The following DHODH variants were observed in gnomAD, a reference collection of about 807,000 sequenced individuals.
The protein encoded by DHODH is dihydroorotate dehydrogenase (quinone).
A neutral mutation model predicts 39.7 loss-of-function variants in DHODH; 30 were observed. The observed-to-expected ratio is 0.76, with a 90% confidence interval of 0.57 to 1.02. The LOEUF (loss-of-function observed/expected upper bound fraction) is 1.02, where lower values mean the gene tolerates loss of function less well. DHODH is among the 50% of genes least tolerant of loss of function. The probability of loss-of-function intolerance (pLI) is 0.00; values close to 1 mark genes in which losing one functional copy is unlikely to be tolerated. For synonymous variants in DHODH, 222 were observed against 213.8 expected (o/e 1.04, Z -0.34); for missense variants, 531 against 520.8 (o/e 1.02, Z -0.19).
chr16:72,022,482 G>A lies in DHODH; in HGVS notation c.819+7G>A, dbSNP rs1458974054. The A allele has an allele frequency of 6.5e-7, 1 of 1,548,786 alleles. No homozygotes were observed. Among genetic ancestry groups the A allele is most frequent in the Admixed American group, 2.0e-5 (1 of 51,080 alleles). Reference sequence around the variant, plus strand: ...TGCCAGTGTGGTCAAAGAGGTTTGAGTCGGGGCCTGGGCCCAGGGTGTGCC... The same window carrying A: ...TGCCAGTGTGGTCAAAGAGGTTTGAATCGGGGCCTGGGCCCAGGGTGTGCC... On this transcript the variant is annotated splice_region_variant and intron_variant, in intron 6 of 8. Transcript: ENST00000219240.
intron 2 of DHODH, chr16:72,013,875 GCTAGT>G (rs1466141567): frequency 1.3e-5 from 2 of 159,200 alleles, no homozygotes; most frequent in African/African-American, 2.4e-5. Context: ...GGAGGCCTTT[GCTAGT>G]CTCCTGAAAG....
chr16:72,015,765 G>C (rs2041135131), intron 3 of DHODH: 1 of 985,410 alleles, frequency 1.0e-6, no homozygotes, highest in Non-Finnish European at 1.2e-6. Flanking sequence ...GCAGGTGCTG[G>C]GATGATGGTA....
chr16:72,016,603 G>T (rs1447637438), intron 3 of DHODH: 20 of 319,756 alleles, frequency 6.3e-5, no homozygotes, highest in Middle Eastern at 1.1e-3. Flanking sequence ...AGGAGGAGAG[G>T]GAGCGTTTGC....
intron 3 of DHODH, chr16:72,015,869 A>G: frequency 1.0e-6 from 1 of 985,488 alleles, no homozygotes; most frequent in South Asian, 4.7e-5. Context: ...GTAAGTGTGT[A>G]GTAAACACTT....
rs374538940 is a variant in DHODH at position 72,022,460 on chromosome 16, C to T, written c.804C>T (p.Ala268=). 9.3e-4 allele frequency: 1,444 copies of T among 1,553,286 alleles called. 2 individuals carry two copies. Among genetic ancestry groups the T allele is most frequent in the Non-Finnish European group, 1.2e-3 (1,357 of 1,148,238 alleles). ...DLTSQDKEDI[A]SVVKELGIDG... ...CCAGCCAGGATAAGGAGGACATTGC[C>T]AGTGTGGTCAAAGAGGTTTGAGTCG... The change falls in exon 6 of 9, where the codon GCC becomes GCT. Residue 268 remains alanine (A), a synonymous_variant. Transcript: ENST00000219240.
chr16:72,023,052 TG>T, intron 6 of DHODH, 112 bp from the exon 7 acceptor site: 2 of 1,004,966 alleles, frequency 2.0e-6, no homozygotes, highest in South Asian at 1.3e-5. Flanking sequence ...GCTCTTGCTT[TG>T]GGGGCTGTAG....
rs748202172 is a variant in DHODH, at chr16:72,024,187, T to C, written c.1176T>C (p.Asp392=). The change falls in exon 9 of 9, where the codon GAT becomes GAC. Residue 392 remains aspartate (D), a synonymous_variant. Transcript: ENST00000219240. The stretch of plus-strand genomic sequence containing the variant: ...GAGTCACAGATGCCATTGGAGCAGA[T>C]CATCGGAGGTGAGGACAGCGTCTGA... The part of the protein sequence containing the change: ...FGGVTDAIGA[D]HRR 1 of 1,614,036 alleles carries C rather than the reference T, an allele frequency of 6.2e-7. No homozygotes were observed. Among genetic ancestry groups the C allele is most frequent in the African/African-American group, 1.3e-5 (1 of 74,922 alleles).
intron 1 of DHODH, 29 bp downstream of exon 1, chr16:72,008,814 G>T: frequency 6.4e-7 from 1 of 1,552,314 alleles, no homozygotes; most frequent in Non-Finnish European, 8.7e-7. Flanking sequence ...CAGTGTGGAT[G>T]GGGGACCAGG....
In DHODH at chr16:72,023,570, C is replaced by T. The variant is rs766871843; in HGVS notation, c.1070C>T (p.Ala357Val). 1 of 1,613,986 alleles carries T rather than the reference C, an allele frequency of 6.2e-7. No homozygotes were observed. The highest frequency in any genetic ancestry group is 8.5e-7 in the Non-Finnish European group (1 of 1,180,046). The change falls in exon 8 of 9, where the codon GCC becomes GTC. Residue 357 changes from alanine (A) to valine (V), a missense_variant. Physicochemically the swap from Ala to Val is moderately conservative, Grantham distance 64. Coordinates refer to ENST00000219240, the MANE Select transcript of DHODH (RefSeq NM_001361.5). ...AGASLVQLYT[A>V]LTFWGPPVVG... ...GCCTCCCTGGTGCAGCTGTACACGG[C>T]CCTCACCTTCTGGGGGCCACCCGTT...
chr16:72,009,266 G>A, intron 1 of DHODH: 3 of 320,580 alleles, frequency 9.4e-6, no homozygotes, highest in African/African-American at 2.3e-5. Flanking sequence ...CACTTTGGGA[G>A]GCCGAGGCGG....
At position 72,016,502 on chromosome 16, in the gene DHODH, G is replaced by A. The variant is rs145928348; in HGVS notation, c.435-522G>A. The A allele has an allele frequency of 1.4e-5, 3 of 221,138 alleles. No homozygotes were observed. In the East Asian group the frequency reaches 3.0e-4, roughly 22 times the overall value. The allele number at this position is 221,138 out of a possible 1,614,324, so 13.7% of individuals were successfully genotyped here. ...CTAGGGACCTTAAGCATATATGTAT[G>A]TATCTATCCCAAGCCAGGAGAAAGG... is the stretch of plus-strand genomic sequence containing the variant. On this transcript the variant is annotated intron_variant, in intron 3 of 8. Coordinates refer to ENST00000219240, the MANE Select transcript of DHODH (RefSeq NM_001361.5).
At chr16:72,017,403 C>A (rs1016396999) in intron 4 of DHODH, among the ~76,000 whole-genome samples, 1 of 152,182 alleles carries the variant, frequency 6.6e-6, no homozygotes, top group African/African-American at 2.4e-5. Context: ...ATCACACAGG[C>A]AATGAGGGCA....
In DHODH at chr16:72,012,134, T is replaced by C. The variant is rs1239526427; in HGVS notation, c.106T>C (p.Phe36Leu). ...SYLMATGDER[F>L]YAEHLMPTLQ... ...CCTGATGGCCACGGGAGATGAGCGT[T>C]TCTATGCTGAACACCTGATGCCGAC... Residue 36 changes from phenylalanine (F) to leucine (L), a missense_variant, in exon 2 of 9, where the codon TTC becomes CTC. By Grantham distance (22) the Phe-to-Leu change is conservative (BLOSUM62 0). Transcript: ENST00000219240. The C allele has an allele frequency of 1.2e-6, 2 of 1,613,994 alleles. No homozygotes were observed. The highest frequency in any genetic ancestry group is 1.7e-6 in the Non-Finnish European group (2 of 1,180,018).
chr16:72,009,225 CGG>C (rs1567568491), intron 1 of DHODH: 1 of 846,408 alleles, frequency 1.2e-6, no homozygotes, highest in African/African-American at 1.8e-5. Context: ...GTTCAGAGGC[CGG>C]GCGCGGTGGC....
At chr16:72,012,781 C>T (rs111665880) in intron 2 of DHODH, among the ~76,000 whole-genome samples, 5,927 of 152,288 alleles carry the variant, frequency 0.039, 349 homozygotes, top group African/African-American at 0.13. Context: ...GTTCAGCACA[C>T]GGGCCCTCTC....
chr16:72,009,497 G>A (rs1392002781), intron 1 of DHODH, among the ~76,000 whole-genome samples: 2 of 98,894 alleles, frequency 2.0e-5, no homozygotes, highest in Non-Finnish European at 3.9e-5. Flanking sequence ...GCGACAGAGC[G>A]AGACTCCGTC....
intron 4 of DHODH, among the ~76,000 whole-genome samples, chr16:72,020,147 A>G (rs1377961085): frequency 6.6e-6 from 1 of 151,726 alleles, no homozygotes; most frequent in Non-Finnish European, 1.5e-5. Context: ...GTGGTGGCAC[A>G]TGCGTGTAAT....
rs189986881 is a variant in DHODH, at chr16:72,023,933, A to T, written c.1134-212A>T. ...CCATTAATTAAGCAACACTGGTTCAATGTTGGGAGCTGTCAATACTTAAAA... is the reference window on the plus strand; with the variant it reads ...CCATTAATTAAGCAACACTGGTTCATTGTTGGGAGCTGTCAATACTTAAAA... On this transcript the variant is annotated intron_variant, in intron 8 of 8. Coordinates refer to ENST00000219240, the MANE Select transcript of DHODH (RefSeq NM_001361.5). 3.0e-4 allele frequency among the ~76,000 whole-genome samples: 45 copies of T among 152,270 alleles called. No individual in the cohort carries two copies. In the East Asian group the frequency reaches 7.7e-3, roughly 26 times the overall value.
rs529831730 is a variant in DHODH, at chr16:72,022,467, G to A, written c.811G>A (p.Val271Ile). Residue 271 changes from valine (V) to isoleucine (I), a missense_variant, in exon 6 of 9, where the codon GTC (valine) becomes ATC (isoleucine). By Grantham distance (29) the Val-to-Ile change is conservative. Transcript: ENST00000219240. ...SQDKEDIASV[V>I]KELGIDGLIV... The stretch of plus-strand genomic sequence containing the variant: ...GGATAAGGAGGACATTGCCAGTGTG[G>A]TCAAAGAGGTTTGAGTCGGGGCCTG... The A allele has an allele frequency of 4.5e-6, 7 of 1,552,542 alleles. 1 individual carries two copies. The South Asian group carries it at 8.3e-5, about 18-fold the overall frequency.
Sources: allele counts gnomAD v4.1 joint callset (sites outside exome capture counted in the v4.1 genomes callset), GRCh38; gene constraint gnomAD v4.1.1; transcripts MANE v1.5; gene names NCBI Gene and HGNC (gene_info 2026-07-23, HGNC 2026-07-21).